Variants in SHROOM3 observed in about 807,000 individuals in gnomAD.
SHROOM3 encodes the protein protein Shroom3.
In SHROOM3, 47 loss-of-function variants were observed where a neutral mutation model predicts 138.6. The ratio of observed to expected loss-of-function variants is 0.34; its 90% CI spans 0.27 to 0.43. The LOEUF is 0.43. Among genes scored for constraint, SHROOM3 ranks in the 20% least tolerant of loss-of-function variants. SHROOM3 has a pLI of 1.00. For synonymous variants in SHROOM3, 1,062 were observed against 1,063.3 expected (o/e 1.00, Z 0.02); for missense variants, 2,491 against 2,596.5 (o/e 0.96, Z 0.88).
chr4:76,761,776 A>C (rs1248677034), intron 9 of SHROOM3, among the ~76,000 whole-genome samples: 1 of 152,174 alleles, frequency 6.6e-6, no homozygotes, highest in East Asian at 1.9e-4. Flanking sequence ...AGTCATTTGG[A>C]GTGCCTTTTG....
At chr4:76,725,862 C>T (rs1720689287) in intron 3 of SHROOM3, among the ~76,000 whole-genome samples, 1 of 152,180 alleles carries the variant, frequency 6.6e-6, no homozygotes, top group African/African-American at 2.4e-5. Context: ...CCTGTGTCTT[C>T]AGATGGGCCT....
intron 2 of SHROOM3, among the ~76,000 whole-genome samples, chr4:76,647,025 G>C (rs186783568): frequency 6.6e-6 from 1 of 152,052 alleles, no homozygotes; most frequent in African/African-American, 2.4e-5. Flanking sequence ...GTTCATCAGC[G>C]GGCAAAAGGA....
intron 1 of SHROOM3, among the ~76,000 whole-genome samples, chr4:76,455,196 G>C (rs896366238): frequency 6.6e-6 from 1 of 152,168 alleles, no homozygotes; most frequent in South Asian, 2.1e-4. Flanking sequence ...AGTGGTAAAA[G>C]TGGATATCCT....
chr4:76,607,487 T>C (rs143908661), intron 2 of SHROOM3, among the ~76,000 whole-genome samples: 1 of 152,326 alleles, frequency 6.6e-6, no homozygotes, highest in African/African-American at 2.4e-5. Flanking sequence ...AATTCTGTTT[T>C]TGTTATGGTG....
chr4:76,584,343 T>C (rs1424642069), intron 2 of SHROOM3, among the ~76,000 whole-genome samples: 2 of 151,466 alleles, frequency 1.3e-5, no homozygotes, highest in African/African-American at 4.8e-5. Flanking sequence ...AAGAGTCACA[T>C]AGATTTCTTT....
chr4:76,545,495 C>CT (rs1733195055), intron 1 of SHROOM3, among the ~76,000 whole-genome samples: 1 of 152,220 alleles, frequency 6.6e-6, no homozygotes. Context: ...AAAGGAGAGA[C>CT]TGTCTCCTAT....
chr4:76,602,917 A>C (rs1365323443), intron 2 of SHROOM3, among the ~76,000 whole-genome samples: 1 of 152,196 alleles, frequency 6.6e-6, no homozygotes, highest in East Asian at 1.9e-4. Flanking sequence ...ATAAGAATTG[A>C]ATGAGTTATG....
At chr4:76,767,170 C>T (rs1722183515) in intron 9 of SHROOM3, among the ~76,000 whole-genome samples, 1 of 152,172 alleles carries the variant, frequency 6.6e-6, no homozygotes, top group Non-Finnish European at 1.5e-5. Flanking sequence ...TATTTTGACC[C>T]TTCCAGTCCA....
chr4:76,755,779 G>A (rs1039124850), intron 7 of SHROOM3, among the ~76,000 whole-genome samples: 2 of 152,216 alleles, frequency 1.3e-5, no homozygotes, highest in African/African-American at 4.8e-5. Flanking sequence ...TGTCCATAGG[G>A]AGGAATAAAG....
chr4:76,646,259 AAAG>A (rs1351694263), intron 2 of SHROOM3, among the ~76,000 whole-genome samples: 1 of 123,252 alleles, frequency 8.1e-6, no homozygotes, highest in Non-Finnish European at 1.7e-5. Flanking sequence ...AAATTAAAAA[AAAG>A]AACCTGTTGA....
At chr4:76,686,034 G>A (rs556309114) in intron 2 of SHROOM3, among the ~76,000 whole-genome samples, 10 of 152,024 alleles carry the variant, frequency 6.6e-5, no homozygotes, top group Admixed American at 3.3e-4. Flanking sequence ...TAGAGGCAGC[G>A]TCTTGCTCTG....
At chr4:76,685,338 TACACTA>T (rs1719305336) in intron 2 of SHROOM3, among the ~76,000 whole-genome samples, 1 of 151,520 alleles carries the variant, frequency 6.6e-6, no homozygotes, top group Non-Finnish European at 1.5e-5. Context: ...ACACATAAAA[TACACTA>T]ACACTAACGA....
chr4:76,702,428 C>T (rs534166433), intron 2 of SHROOM3, among the ~76,000 whole-genome samples: 2 of 152,316 alleles, frequency 1.3e-5, no homozygotes, highest in East Asian at 3.8e-4. Flanking sequence ...TATTGCCAGG[C>T]ACTGTTCTGA....
chr4:76,447,523 A>C (rs1353189877), intron 1 of SHROOM3, among the ~76,000 whole-genome samples: 1 of 152,204 alleles, frequency 6.6e-6, no homozygotes, highest in East Asian at 1.9e-4. Context: ...AGAAATAAAT[A>C]TACATGTTGG....
intron 1 of SHROOM3, among the ~76,000 whole-genome samples, chr4:76,541,688 C>A (rs1415235722): frequency 1.3e-5 from 2 of 151,886 alleles, no homozygotes; most frequent in Admixed American, 1.3e-4. Context: ...ACAGAATAGG[C>A]ATTCTTATGG....
At chr4:76,556,408 TA>T (rs1733485615) in intron 2 of SHROOM3, among the ~76,000 whole-genome samples, 1 of 152,226 alleles carries the variant, frequency 6.6e-6, no homozygotes, top group Non-Finnish European at 1.5e-5. Context: ...TTACACATCT[TA>T]GCTCATTTAA....
At chr4:76,713,818 A>G (rs115762303) in intron 3 of SHROOM3, among the ~76,000 whole-genome samples, 1 of 152,022 alleles carries the variant, frequency 6.6e-6, no homozygotes, top group South Asian at 2.1e-4. Context: ...CATAATGTGC[A>G]CTCCATTGTT....
At chr4:76,755,301 C>T (rs902321061) in intron 7 of SHROOM3, 109 bp downstream of exon 7, 3 of 1,298,070 alleles carry the variant, frequency 2.3e-6, no homozygotes, top group Non-Finnish European at 3.2e-6. Flanking sequence ...GGAGATGTTT[C>T]TATACAGCTC....
intron 2 of SHROOM3, among the ~76,000 whole-genome samples, chr4:76,594,351 T>C (rs1012622790): frequency 1.3e-5 from 2 of 152,338 alleles, no homozygotes; most frequent in South Asian, 4.1e-4. Flanking sequence ...CAGTGCCTAG[T>C]GTAGCGCCTG....
Sources: allele counts gnomAD v4.1 joint callset (sites outside exome capture counted in the v4.1 genomes callset), GRCh38; gene constraint gnomAD v4.1.1; transcripts MANE v1.5; gene names NCBI Gene and HGNC (gene_info 2026-07-23, HGNC 2026-07-21).